The following HCK variants were observed in gnomAD, a reference collection of about 807,000 sequenced individuals.
HCK encodes the protein HCK proto-oncogene, Src family tyrosine kinase.
Under a neutral mutation model 70.4 loss-of-function variants are expected in HCK, and 40 were observed. The ratio of observed to expected loss-of-function variants is 0.57; its 90% CI spans 0.44 to 0.74. The LOEUF is 0.74. Among genes scored for constraint, HCK ranks in the 30% least tolerant of loss-of-function variants. HCK has a pLI of 0.00. For synonymous variants in HCK, 245 were observed against 263.2 expected (o/e 0.93, Z 0.67); for missense variants, 568 against 697.2 (o/e 0.81, Z 2.09).
intron 1 of HCK, among the ~76,000 whole-genome samples, chr20:32,053,535 G>A (rs1182826230): frequency 6.6e-6 from 1 of 151,078 alleles, no homozygotes; most frequent in Non-Finnish European, 1.5e-5. Context: ...CTACTCGGGA[G>A]GCTGAGGCAC....
In HCK at chr20:32,101,496, A is replaced by G; in HGVS notation, c.1558A>G (p.Ser520Gly). Residue 520 changes from serine to glycine, a missense_variant, in exon 13 of 13, where the codon AGC becomes GGC. Ser to Gly is a moderately conservative substitution (Grantham distance 56). Around this residue, in one of 4 missense-constraint regions of HCK, gnomAD observed 77 missense variants for 85.0 expected, o/e 0.91. Coordinates refer to ENST00000375852, the MANE Select transcript of HCK (RefSeq NM_002110.5). ...GGATGACTTCTACACGGCCACAGAG[A>G]GCCAGTACCAACAGCAGCCATGATA... The G allele has an allele frequency of 3.1e-6, 5 of 1,613,378 alleles. No homozygotes were observed. Among genetic ancestry groups the G allele is most frequent in the Non-Finnish European group, 1.7e-6 (2 of 1,179,732 alleles).
chr20:32,074,806 AC>A, intron 5 of HCK, 85 bp downstream of exon 5: 1 of 889,186 alleles, frequency 1.1e-6, no homozygotes, highest in Non-Finnish European at 1.9e-6. Flanking sequence ...CACACACTGT[AC>A]CACTGCCTGG....
intron 1 of HCK, among the ~76,000 whole-genome samples, chr20:32,070,516 T>C (rs1170215967): frequency 6.6e-6 from 1 of 152,164 alleles, no homozygotes; most frequent in African/African-American, 2.4e-5. Flanking sequence ...CACTCTTCCC[T>C]CAGAGTGTCC....
chr20:32,095,086 C>T (rs531876555), intron 11 of HCK, among the ~76,000 whole-genome samples: 11 of 152,212 alleles, frequency 7.2e-5, no homozygotes, highest in East Asian at 3.9e-4. Context: ...GATGAACAGA[C>T]GAACAAAATG....
rs147052999 is a variant in HCK at position 32,075,340 on chromosome 20, C to T, written c.428+619C>T. ...TCCCAAGTAGCTGGGACTACAAGTG[C>T]GCATCACCATGCCCAGCTAATTTTT... On this transcript the variant is annotated intron_variant, in intron 5 of 12. Coordinates refer to ENST00000375852, the MANE Select transcript of HCK (RefSeq NM_002110.5). 6.6e-3 allele frequency among the ~76,000 whole-genome samples: 998 copies of T among 152,074 alleles called. 11 individuals carry two copies. Among genetic ancestry groups the T allele is most frequent in the African/African-American group, 0.022 (914 of 41,464 alleles).
At chr20:32,083,780 C>G in intron 6 of HCK, 114 bp from the exon 7 acceptor site, 1 of 1,273,262 alleles carries the variant, frequency 7.9e-7, no homozygotes, top group Non-Finnish European at 1.1e-6. Context: ...TCGGGCACTT[C>G]TGCCCAGGTG....
chr20:32,069,319 C>T (rs376957755), intron 1 of HCK, among the ~76,000 whole-genome samples: 2 of 152,264 alleles, frequency 1.3e-5, no homozygotes, highest in East Asian at 3.9e-4. Flanking sequence ...ACATTGATCA[C>T]GTAAGTGAAG....
At chr20:32,097,312 G>A in intron 11 of HCK, among the ~76,000 whole-genome samples, 1 of 152,104 alleles carries the variant, frequency 6.6e-6, no homozygotes. Flanking sequence ...GGGCACGTTG[G>A]CTCATGCCTG....
At chr20:32,065,437 G>A (rs2045441469) in intron 1 of HCK, among the ~76,000 whole-genome samples, 1 of 152,158 alleles carries the variant, frequency 6.6e-6, no homozygotes, top group African/African-American at 2.4e-5. Context: ...ATCCTGAGGT[G>A]TATAGGCCTC....
chr20:32,055,373 T>G (rs899326987), intron 1 of HCK, among the ~76,000 whole-genome samples: 5 of 152,246 alleles, frequency 3.3e-5, no homozygotes, highest in African/African-American at 1.2e-4. Context: ...TTCAAGAAAA[T>G]GGAAGCATGA....
chr20:32,093,098 C>T (rs561723698), intron 10 of HCK, among the ~76,000 whole-genome samples: 9 of 152,288 alleles, frequency 5.9e-5, no homozygotes, highest in African/African-American at 2.2e-4. Flanking sequence ...GCGTGCACCA[C>T]CATGCTCATC....
At chr20:32,070,376 C>G (rs2045519216) in intron 1 of HCK, among the ~76,000 whole-genome samples, 1 of 152,184 alleles carries the variant, frequency 6.6e-6, no homozygotes, top group African/African-American at 2.4e-5. Context: ...GATATGGTGG[C>G]CTTGTCACAA....
chr20:32,094,757 GAAAGAAGGAAA>G (rs2045918657), intron 11 of HCK, among the ~76,000 whole-genome samples: 14 of 124,526 alleles, frequency 1.1e-4, no homozygotes, highest in Admixed American at 8.1e-5. Flanking sequence ...AAGAAAGAAA[GAAAGAAGGAAA>G]GAAAGAAAGA....
At chr20:32,064,862 G>C (rs1369762124) in intron 1 of HCK, among the ~76,000 whole-genome samples, 5 of 152,228 alleles carry the variant, frequency 3.3e-5, no homozygotes, top group Admixed American at 6.5e-5. Flanking sequence ...TGAGGAGCAG[G>C]TTTCAGGTTC....
At chr20:32,052,631 A>T in intron 1 of HCK, 145 bp downstream of exon 1, 1 of 531,858 alleles carries the variant, frequency 1.9e-6, no homozygotes, top group Non-Finnish European at 2.9e-6. Context: ...AGCCGCGGGT[A>T]GCCCGGGGGA....
chr20:32,095,850 T>G (rs904461207), intron 11 of HCK, among the ~76,000 whole-genome samples: 1 of 151,648 alleles, frequency 6.6e-6, no homozygotes, highest in African/African-American at 2.4e-5. Flanking sequence ...TAGTTTCTGT[T>G]AGCCTAATAT....
At chr20:32,078,201 ATT>A (rs1196535364) in intron 5 of HCK, among the ~76,000 whole-genome samples, 27 of 134,572 alleles carry the variant, frequency 2.0e-4, no homozygotes, top group Admixed American at 3.7e-4. Context: ...TGCTCGGCTA[ATT>A]TTTTTTTTTT....
intron 11 of HCK, among the ~76,000 whole-genome samples, chr20:32,096,421 C>G (rs1432597653): frequency 6.6e-6 from 1 of 150,496 alleles, no homozygotes; most frequent in Non-Finnish European, 1.5e-5. Flanking sequence ...CATTTGAACC[C>G]GGGAGGCAGA....
rs201853810 is a variant in HCK at position 32,094,709 on chromosome 20, G to GAAAAGA, written c.1246+696_1246+697insAGAAAA. Reference sequence around the variant, plus strand: ...CAAAAGAAAAGAAAAGAAAAGAAAAGAAAGAAAGAAAGAAAGAAAGAAAGA... The same window carrying GAAAAGA: ...CAAAAGAAAAGAAAAGAAAAGAAAAGAAAAGAAAAGAAAGAAAGAAAGAAAGAAAGA... On this transcript the variant is annotated intron_variant, in intron 11 of 12. Coordinates refer to ENST00000375852, the MANE Select transcript of HCK (RefSeq NM_002110.5). Among the ~76,000 whole-genome samples the GAAAAGA allele has an allele frequency of 1.7e-4, 8 of 47,588 alleles. No homozygotes were observed. In the East Asian group the frequency reaches 4.1e-3, roughly 24 times the overall value. The allele number at this position is 47,588 out of a possible 152,430, so 31.2% of individuals were successfully genotyped here. A position where few individuals can be genotyped will look rare whatever the true frequency, so the allele number is the denominator to read the frequency against.
Sources: allele counts gnomAD v4.1 joint callset (sites outside exome capture counted in the v4.1 genomes callset), GRCh38; gene constraint gnomAD v4.1.1; regional missense constraint gnomAD v4.1.1; transcripts MANE v1.5; gene names NCBI Gene and HGNC (gene_info 2026-07-23, HGNC 2026-07-21).